SGCZ: variants seen among roughly 807,000 people sequenced by gnomAD.
SGCZ encodes zeta-sarcoglycan.
In SGCZ, 40 loss-of-function variants were observed where a neutral mutation model predicts 41.3. The ratio of observed to expected loss-of-function variants is 0.97; its 90% CI spans 0.75 to 1.26. SGCZ has a LOEUF of 1.26. Among genes scored for constraint, SGCZ ranks in the 50% most tolerant of loss-of-function variants. The probability of loss-of-function intolerance (pLI) is 0.00; values close to 1 mark genes in which losing one functional copy is unlikely to be tolerated. For missense variants in SGCZ, 552 were observed against 369.8 expected (o/e 1.49, Z -4.04); for synonymous variants, 206 against 137.5 (o/e 1.50, Z -3.49).
intron 1 of SGCZ, among the ~76,000 whole-genome samples, chr8:14,684,197 T>G (rs1399657864): frequency 6.6e-6 from 1 of 152,176 alleles, no homozygotes; most frequent in African/African-American, 2.4e-5. Flanking sequence ...ACTCACTCCC[T>G]TCATAATGCA....
At chr8:14,783,443 AAAG>A (rs1361894809) in intron 1 of SGCZ, among the ~76,000 whole-genome samples, 17 of 152,146 alleles carry the variant, frequency 1.1e-4, no homozygotes, top group African/African-American at 3.9e-4. Flanking sequence ...CAAAAAAAAA[AAAG>A]AAGGAAAGAA....
At position 14,170,249 on chromosome 8, in the gene SGCZ, T is replaced by G. The variant is rs139207316; in HGVS notation, c.425-5547A>C. ...TTAAAAGAAAAAATATGCTCTAGCA[T>G]TTCCTGAAGTAATGCTGTGAGGAAA... is the stretch of plus-strand genomic sequence containing the variant. On this transcript the variant is annotated intron_variant, in intron 4 of 7. Coordinates refer to ENST00000382080, the MANE Select transcript of SGCZ (RefSeq NM_139167.4). 1.7e-4 allele frequency among the ~76,000 whole-genome samples: 26 copies of G among 152,218 alleles called. No homozygotes were observed. In the East Asian group the frequency reaches 3.9e-3, roughly 23 times the overall value.
chr8:14,346,217 G>T (rs1585390024), intron 2 of SGCZ, among the ~76,000 whole-genome samples: 1 of 152,058 alleles, frequency 6.6e-6, no homozygotes, highest in Middle Eastern at 3.4e-3. Flanking sequence ...TGATATATGG[G>T]AATTGTTTGT....
rs959390316 is a variant in SGCZ, at chr8:14,993,827, G to A, written c.39+243758C>T. On this transcript the variant is annotated intron_variant, in intron 1 of 7. Transcript: ENST00000382080. ...AGGTAGGGATTTATGGGCCTCTGTT[G>A]GGATTTTTGCTTTTTCTCCACATGA... is the stretch of plus-strand genomic sequence containing the variant. Among the ~76,000 whole-genome samples, 11 of 152,156 alleles carry A rather than the reference G, an allele frequency of 7.2e-5. No individual in the cohort carries two copies. In the East Asian group the frequency reaches 1.7e-3, roughly 24 times the overall value.
intron 2 of SGCZ, among the ~76,000 whole-genome samples, chr8:14,408,114 T>A (rs1396835036): frequency 2.0e-5 from 3 of 152,142 alleles, no homozygotes; most frequent in East Asian, 3.9e-4. Flanking sequence ...TTTACTTCAA[T>A]AGCATGTGTA....
At chr8:15,172,262 C>T (rs1585638074) in intron 1 of SGCZ, among the ~76,000 whole-genome samples, 2 of 140,870 alleles carry the variant, frequency 1.4e-5, no homozygotes, top group African/African-American at 2.7e-5. Flanking sequence ...CCCGGGTTCA[C>T]GCCATTCTCC....
chr8:14,149,406 A>C (rs73213555), intron 5 of SGCZ, among the ~76,000 whole-genome samples: 2 of 151,834 alleles, frequency 1.3e-5, no homozygotes, highest in African/African-American at 4.8e-5. Context: ...AAAAAGAAAT[A>C]AAATTCATCC....
intron 2 of SGCZ, among the ~76,000 whole-genome samples, chr8:14,476,763 G>T (rs11988347): frequency 6.6e-6 from 1 of 152,124 alleles, no homozygotes; most frequent in South Asian, 2.1e-4. Context: ...GTTGTGACAA[G>T]TTGGCTGCCA....
At chr8:14,499,525 C>T (rs927467763) in intron 2 of SGCZ, among the ~76,000 whole-genome samples, 2 of 151,950 alleles carry the variant, frequency 1.3e-5, no homozygotes, top group African/African-American at 4.8e-5. Flanking sequence ...TCATTGGCTC[C>T]TTTAACTTAT....
chr8:14,304,787 T>C (rs995155898), intron 3 of SGCZ, among the ~76,000 whole-genome samples: 1 of 152,156 alleles, frequency 6.6e-6, no homozygotes, highest in Non-Finnish European at 1.5e-5. Flanking sequence ...TTTAACTGTG[T>C]AAAATGAAAA....
intron 3 of SGCZ, among the ~76,000 whole-genome samples, chr8:14,249,453 C>T (rs369716333): frequency 2.0e-5 from 3 of 151,922 alleles, no homozygotes; most frequent in East Asian, 3.9e-4. Flanking sequence ...CTAGAGAACC[C>T]AGACTAATAC....
intron 1 of SGCZ, among the ~76,000 whole-genome samples, chr8:14,612,699 G>GTTTT (rs889548576): frequency 1.3e-5 from 2 of 151,812 alleles, no homozygotes; most frequent in South Asian, 4.2e-4. Flanking sequence ...GTTTTGTTTT[G>GTTTT]TTTTTTTAAA....
At chr8:14,288,683 C>A (rs1800731744) in intron 3 of SGCZ, among the ~76,000 whole-genome samples, 1 of 152,144 alleles carries the variant, frequency 6.6e-6, no homozygotes, top group African/African-American at 2.4e-5. Flanking sequence ...TATCCATCCA[C>A]TGATGGACAT....
At chr8:14,911,888 T>C (rs1194470925) in intron 1 of SGCZ, among the ~76,000 whole-genome samples, 1 of 151,942 alleles carries the variant, frequency 6.6e-6, no homozygotes, top group Non-Finnish European at 1.5e-5. Context: ...AAAATTAATA[T>C]AAGTAATATT....
intron 1 of SGCZ, among the ~76,000 whole-genome samples, chr8:15,160,484 C>T (rs1799479512): frequency 6.6e-6 from 1 of 152,132 alleles, no homozygotes; most frequent in South Asian, 2.1e-4. Context: ...GGAGTCAGTC[C>T]ACTAGTGTAG....
At chr8:14,293,600 G>A (rs992583819) in intron 3 of SGCZ, among the ~76,000 whole-genome samples, 4 of 151,886 alleles carry the variant, frequency 2.6e-5, no homozygotes. Flanking sequence ...AATAAAAAAT[G>A]TAAGCTCAAA....
At chr8:14,377,674 C>G (rs1804184183) in intron 2 of SGCZ, among the ~76,000 whole-genome samples, 1 of 151,500 alleles carries the variant, frequency 6.6e-6, no homozygotes, top group Non-Finnish European at 1.5e-5. Context: ...TACTATCCCT[C>G]CCCACTCCCC....
At chr8:14,804,038 C>G (rs2130513187) in intron 1 of SGCZ, among the ~76,000 whole-genome samples, 1 of 123,600 alleles carries the variant, frequency 8.1e-6, no homozygotes, top group South Asian at 2.8e-4. Flanking sequence ...AGAAGGAAAA[C>G]TAACAAACAG....
In SGCZ at chr8:14,090,231, GCT is replaced by G; in HGVS notation, c.*210_*211del. On this transcript the variant is annotated 3_prime_UTR_variant, in exon 8 of 8. Coordinates refer to ENST00000382080, the MANE Select transcript of SGCZ (RefSeq NM_139167.4). ...ATGATCCAGTTTTCCTGCTGACGAC[GCT>G]TTTTCCACTGCTGTGTCAATCACAC... 4.8e-6 allele frequency: 2 copies of G among 413,324 alleles called. No homozygotes were observed. The highest frequency in any genetic ancestry group is 8.4e-6 in the Non-Finnish European group (2 of 237,544). The allele number at this position is 413,324 out of a possible 1,614,324, so 25.6% of individuals were successfully genotyped here. A position where few individuals can be genotyped will look rare whatever the true frequency, so the allele number is the denominator to read the frequency against.
Sources: allele counts gnomAD v4.1 joint callset (sites outside exome capture counted in the v4.1 genomes callset), GRCh38; gene constraint gnomAD v4.1.1; transcripts MANE v1.5; gene names NCBI Gene and HGNC (gene_info 2026-07-23, HGNC 2026-07-21).